Variants in SUMO2 observed in about 807,000 individuals in gnomAD.
SUMO2 encodes small ubiquitin-related modifier 2.
In SUMO2, 1 loss-of-function variant was observed where a neutral mutation model predicts 16.0. The observed-to-expected ratio is 0.06, with a 90% confidence interval of 0.02 to 0.30. The LOEUF is 0.30. Ranked by LOEUF, SUMO2 falls within the 10% of genes least tolerant of loss-of-function variation. The pLI is 1.00. For missense variants in SUMO2, 16 were observed against 117.5 expected, an observed-to-expected ratio of 0.14 and a Z score of 3.99; for synonymous variants, 36 against 40.6, an observed-to-expected ratio of 0.89 and a Z score of 0.43.
chr17:75,181,319 T>C (rs1301224500), intron 1 of SUMO2, 131 bp from the exon 2 acceptor site: 15 of 876,290 alleles, frequency 1.7e-5, no homozygotes, highest in Admixed American at 2.8e-5. Flanking sequence ...GGCATACTGC[T>C]GTTTTCAGCT....
rs2145212496 is a variant in SUMO2, at chr17:75,166,378, GGGA to G, written c.*1958_*1960del. 6.6e-6 allele frequency: 1 copy of G among 152,414 alleles called. No individual in the cohort carries two copies. The highest frequency in any genetic ancestry group is 2.4e-5 in the African/African-American group (1 of 41,568). 9.4% of individuals were successfully genotyped at this position (152,414 alleles called of 1,614,324 possible). ...TAATCCCAGCTTTTCCGGAGGCTGA[GGGA>G]GGAGAATCAGTTGAACCCGGGAGGC... On this transcript the variant is annotated 3_prime_UTR_variant, in exon 4 of 4. Transcript: ENST00000420826.
In SUMO2 at chr17:75,167,642, C is replaced by A. The variant is rs2074702900; in HGVS notation, c.*697G>T. 2 of 152,340 alleles carry A rather than the reference C, an allele frequency of 1.3e-5. No individual in the cohort carries two copies. The highest frequency in any genetic ancestry group is 4.8e-5 in the African/African-American group (2 of 41,436). The allele number at this position is 152,340 out of a possible 1,614,324, so 9.4% of individuals were successfully genotyped here. ...AAACACCAAGTAGCTTTATTTCCTT[C>A]TTGAAATGTTACTTCTAAGCAGGCC... On this transcript the variant is annotated 3_prime_UTR_variant, in exon 4 of 4. Transcript: ENST00000420826.
At chr17:75,170,350 T>C (rs1056688591) in intron 3 of SUMO2, among the ~76,000 whole-genome samples, 5 of 152,026 alleles carry the variant, frequency 3.3e-5, no homozygotes, top group Admixed American at 1.3e-4. Flanking sequence ...GGTGGGCGGA[T>C]CACCAGGTCA....
intron 2 of SUMO2, among the ~76,000 whole-genome samples, chr17:75,180,045 G>A (rs2074814751): frequency 6.6e-6 from 1 of 151,990 alleles, no homozygotes; most frequent in Non-Finnish European, 1.5e-5. Flanking sequence ...AGCCTATTTA[G>A]AACAATCTGA....
intron 1 of SUMO2, 174 bp downstream of exon 1, chr17:75,182,640 G>A (rs1438971379): frequency 4.8e-6 from 2 of 414,728 alleles, no homozygotes; most frequent in Non-Finnish European, 3.8e-6. Flanking sequence ...CGGCGCGGGA[G>A]GGAGGAAGAG....
At chr17:75,174,074 A>T (rs1050256824) in intron 3 of SUMO2, among the ~76,000 whole-genome samples, 1 of 152,196 alleles carries the variant, frequency 6.6e-6, no homozygotes, top group East Asian at 1.9e-4. Context: ...GAGAATTTCA[A>T]TTCAGCATGT....
chr17:75,179,484 C>T (rs1243524305), intron 2 of SUMO2, among the ~76,000 whole-genome samples: 1 of 145,806 alleles, frequency 6.9e-6, no homozygotes, highest in East Asian at 2.0e-4. Flanking sequence ...GTCGAGATTG[C>T]ACTACTGCAC....
chr17:75,178,530 A>G (rs2074802326), intron 2 of SUMO2, among the ~76,000 whole-genome samples: 1 of 151,390 alleles, frequency 6.6e-6, no homozygotes. Context: ...AAAAAAAAGA[A>G]AAGAATACTG....
rs1168564255 is a variant in SUMO2 at position 75,166,804 on chromosome 17, A to AG, written c.*1534dup. ...CTCTTTCAAAAAGACCTAAGACGGG[A>AG]GGCTGAGGCAGGAGAATGGCGTGAA... On this transcript the variant is annotated 3_prime_UTR_variant, in exon 4 of 4. Coordinates refer to ENST00000420826, the MANE Select transcript of SUMO2 (RefSeq NM_006937.4). 1 of 152,124 alleles carries AG rather than the reference A, an allele frequency of 6.6e-6. No homozygotes were observed. The highest frequency in any genetic ancestry group is 1.5e-5 in the Non-Finnish European group (1 of 68,250). The allele number at this position is 152,124 out of a possible 1,614,324, so 9.4% of individuals were successfully genotyped here. A position where few individuals can be genotyped will look rare whatever the true frequency, so the allele number is the denominator to read the frequency against.
intron 2 of SUMO2, among the ~76,000 whole-genome samples, chr17:75,179,542 AAAAGGTATCTTTAT>A (rs2074810447): frequency 6.6e-6 from 1 of 152,110 alleles, no homozygotes; most frequent in Non-Finnish European, 1.5e-5. Flanking sequence ...AAAAAAAAAA[AAAAGGTATCTTTAT>A]AAGGAACTAC....
At chr17:75,182,208 C>T (rs1195589854) in intron 1 of SUMO2, among the ~76,000 whole-genome samples, 2 of 152,190 alleles carry the variant, frequency 1.3e-5, no homozygotes, top group African/African-American at 2.4e-5. Flanking sequence ...CCTTCGGGCC[C>T]CTGAGGCTAT....
chr17:75,180,675 A>C (rs2074822255), intron 2 of SUMO2, among the ~76,000 whole-genome samples: 1 of 152,098 alleles, frequency 6.6e-6, no homozygotes, highest in Non-Finnish European at 1.5e-5. Context: ...AGGCCACTGT[A>C]CTTCAGCTTG....
intron 2 of SUMO2, among the ~76,000 whole-genome samples, chr17:75,176,617 A>C (rs2074784208): frequency 1.3e-5 from 2 of 151,434 alleles, no homozygotes; most frequent in African/African-American, 4.8e-5. Context: ...TCAATATCAA[A>C]AACAACAACA....
chr17:75,167,519 A>G lies in SUMO2; in HGVS notation c.*820T>C, dbSNP rs940456557. 6 of 152,156 alleles carry G rather than the reference A, an allele frequency of 3.9e-5. No individual in the cohort carries two copies. Among genetic ancestry groups the G allele is most frequent in the Non-Finnish European group, 7.3e-5 (5 of 68,044 alleles). 9.4% of individuals were successfully genotyped at this position (152,156 alleles called of 1,614,324 possible). On this transcript the variant is annotated 3_prime_UTR_variant, in exon 4 of 4. Coordinates refer to ENST00000420826, the MANE Select transcript of SUMO2 (RefSeq NM_006937.4). ...ACTATGGCCCAATTTTTCTGCTAGT[A>G]TACTTGCATATTAACATGGGACCTA...
rs575365417 is a variant in SUMO2 at position 75,168,858 on chromosome 17, G to A, written c.226-457C>T. On this transcript the variant is annotated intron_variant, in intron 3 of 3. Transcript: ENST00000420826. The stretch of plus-strand genomic sequence containing the variant: ...GAGCTCAAGTGATCTGCCTGCCTCG[G>A]CCTCCCAAAGTGCTGGGATTACAGG... 2.6e-5 allele frequency among the ~76,000 whole-genome samples: 4 copies of A among 152,120 alleles called. No individual in the cohort carries two copies. The South Asian group carries it at 8.3e-4, about 32-fold the overall frequency.
chr17:75,177,609 G>A (rs1279593888), intron 2 of SUMO2, among the ~76,000 whole-genome samples: 2 of 151,958 alleles, frequency 1.3e-5, no homozygotes, highest in Non-Finnish European at 2.9e-5. Context: ...TGGAACCTGG[G>A]AGGCGGAGGT....
intron 3 of SUMO2, among the ~76,000 whole-genome samples, chr17:75,170,617 A>G (rs9913676): frequency 0.6 from 91,546 of 151,442 alleles, 28,760 homozygotes; most frequent in Non-Finnish European, 0.7. Flanking sequence ...AACCCACGGC[A>G]GGCGTGGTGG....
chr17:75,180,880 T>G (rs1048699415), intron 2 of SUMO2, among the ~76,000 whole-genome samples, 177 bp downstream of exon 2: 3 of 152,058 alleles, frequency 2.0e-5, no homozygotes. Flanking sequence ...AACCAAATCA[T>G]CCTAAGGGTT....
intron 1 of SUMO2, 110 bp downstream of exon 1, chr17:75,182,704 G>A (rs988877642): frequency 7.1e-6 from 7 of 990,836 alleles, no homozygotes; most frequent in African/African-American, 6.8e-5. Context: ...GGCCGGCCCC[G>A]TGGGGGGCCC....
Sources: allele counts gnomAD v4.1 joint callset (sites outside exome capture counted in the v4.1 genomes callset), GRCh38; gene constraint gnomAD v4.1.1; transcripts MANE v1.5; gene names NCBI Gene and HGNC (gene_info 2026-07-23, HGNC 2026-07-21).